Variants in ASB5 observed in about 807,000 individuals in gnomAD.
ASB5 encodes ankyrin repeat and SOCS box containing 5.
In ASB5, 45 loss-of-function variants were observed where a neutral mutation model predicts 42.1. That is an observed-to-expected ratio of 1.07 (90% confidence interval 0.84 to 1.37). The LOEUF (loss-of-function observed/expected upper bound fraction) is 1.37, where lower values mean the gene tolerates loss of function less well. Among genes scored for constraint, ASB5 ranks in the 40% most tolerant of loss-of-function variants. The probability of loss-of-function intolerance (pLI) is 0.00; values close to 1 mark genes in which losing one functional copy is unlikely to be tolerated. For synonymous variants in ASB5, 147 were observed against 150.6 expected (o/e 0.98, Z 0.18); for missense variants, 402 against 399.8 (o/e 1.01, Z -0.05).
At chr4:176,262,160 C>A (rs1379060156) in intron 1 of ASB5, among the ~76,000 whole-genome samples, 1 of 152,008 alleles carries the variant, frequency 6.6e-6, no homozygotes, top group Non-Finnish European at 1.5e-5. Context: ...AAAGTTAAGA[C>A]CTAGTTTTCA....
At chr4:176,221,031 T>A in intron 5 of ASB5, 124 bp downstream of exon 5, 1 of 1,249,600 alleles carries the variant, frequency 8.0e-7, no homozygotes, top group Non-Finnish European at 1.1e-6. Flanking sequence ...TATTCATGTG[T>A]GAAAATGCTT....
chr4:176,237,373 G>T, intron 1 of ASB5: 1 of 985,824 alleles, frequency 1.0e-6, no homozygotes, highest in Non-Finnish European at 1.2e-6. Flanking sequence ...TTTTCGTGAG[G>T]ACCTGCTTAA....
chr4:176,260,346 T>A (rs1046017911), intron 1 of ASB5, among the ~76,000 whole-genome samples: 1 of 152,212 alleles, frequency 6.6e-6, no homozygotes, highest in Middle Eastern at 3.2e-3. Flanking sequence ...GACAGATTTT[T>A]AAAATCCTTT....
upstream of ASB5, among the ~76,000 whole-genome samples, chr4:176,270,164 T>C (rs1460600627): frequency 1.3e-5 from 2 of 152,156 alleles, no homozygotes; most frequent in Non-Finnish European, 2.9e-5. Context: ...AAGCCAAAAA[T>C]GATATGCCAA....
chr4:176,263,344 A>G (rs1579335509), intron 1 of ASB5, among the ~76,000 whole-genome samples: 1 of 143,678 alleles, frequency 7.0e-6, no homozygotes, highest in Admixed American at 7.3e-5. Context: ...AGGAGAGGAA[A>G]AGCATTAATA....
intron 1 of ASB5, chr4:176,237,248 G>T: frequency 1.0e-6 from 1 of 981,718 alleles, no homozygotes. Context: ...GGCCAATGTG[G>T]TTTATTTCAG....
chr4:176,237,608 G>A, intron 1 of ASB5: 2 of 981,242 alleles, frequency 2.0e-6, no homozygotes, highest in Non-Finnish European at 2.4e-6. Flanking sequence ...ATCAGGGCTG[G>A]TAGGTGCAAT....
intron 1 of ASB5, among the ~76,000 whole-genome samples, chr4:176,251,606 G>A (rs1212240405): frequency 7.8e-6 from 1 of 127,398 alleles, no homozygotes; most frequent in African/African-American, 3.0e-5. Flanking sequence ...TTTGAAGATT[G>A]GCTCAGAAAG....
Position 176,217,026 on chromosome 4 carries a change from G to C in ASB5, c.671-17C>G. 6.4e-7 allele frequency: 1 copy of C among 1,556,532 alleles called. No homozygotes were observed. Among genetic ancestry groups the C allele is most frequent in the Non-Finnish European group, 8.7e-7 (1 of 1,151,524 alleles). On this transcript the variant is annotated splice_polypyrimidine_tract_variant and intron_variant, in intron 5 of 6. Transcript: ENST00000296525. Reference sequence around the variant, plus strand: ...CGTCAGCACCTACATGTAATACGGAGTGAAGATAAATATAAATAAAAGTTG... The same window carrying C: ...CGTCAGCACCTACATGTAATACGGACTGAAGATAAATATAAATAAAAGTTG...
chr4:176,251,564 T>TA (rs34392287), intron 1 of ASB5, among the ~76,000 whole-genome samples: 2,623 of 10,378 alleles, frequency 0.25, 987 homozygotes, highest in Non-Finnish European at 0.3. Flanking sequence ...TCTGTCTCAT[T>TA]AAAAAAAAAA....
rs769915869 is a variant in ASB5 at position 176,233,148 on chromosome 4, AT to A, written c.197-7808del. Among the ~76,000 whole-genome samples the A allele has an allele frequency of 2.7e-4, 41 of 152,340 alleles. 1 individual carries two copies. The Middle Eastern group carries it at 0.01, about 38-fold the overall frequency. ...ACATCACAAATACAACCCAAATTTC[AT>A]TTTAAACAATTACTTTCATATATCT... On this transcript the variant is annotated intron_variant, in intron 1 of 6. Transcript: ENST00000296525.
intron 1 of ASB5, among the ~76,000 whole-genome samples, chr4:176,260,659 T>G (rs531694354): frequency 8.5e-4 from 130 of 152,252 alleles, no homozygotes; most frequent in Non-Finnish European, 1.5e-3. Flanking sequence ...GTTTTGTTGT[T>G]GCTGTTGTTT....
exon 1 of ASB5, chr4:176,277,362 C>G (rs1226340893): frequency 3.3e-5 from 5 of 152,204 alleles, no homozygotes; most frequent in Non-Finnish European, 7.3e-5. Context: ...ATTACAGCAG[C>G]GAGCAGGCAG....
At position 176,252,629 on chromosome 4, in the gene ASB5, G is replaced by A. The variant is rs143723203; in HGVS notation, c.196+16284C>T. On this transcript the variant is annotated intron_variant, in intron 1 of 6. Coordinates refer to ENST00000296525, the MANE Select transcript of ASB5 (RefSeq NM_080874.4). ...CATGAAGATGGGGAAAAAGCCACAC[G>A]GAAAATATTAAGATAATCCATGTCT... is the stretch of plus-strand genomic sequence containing the variant. Among the ~76,000 whole-genome samples the A allele has an allele frequency of 4.4e-4, 67 of 152,280 alleles. 1 individual carries two copies. Among genetic ancestry groups the A allele is most frequent in the African/African-American group, 1.6e-3 (66 of 41,568 alleles).
At chr4:176,266,031 C>A (rs1430484059) in intron 1 of ASB5, among the ~76,000 whole-genome samples, 1 of 152,000 alleles carries the variant, frequency 6.6e-6, no homozygotes, top group Non-Finnish European at 1.5e-5. Flanking sequence ...TTTTTAGATA[C>A]CATTTAGCTT....
At chr4:176,260,232 C>A (rs1015196288) in intron 1 of ASB5, among the ~76,000 whole-genome samples, 2 of 152,140 alleles carry the variant, frequency 1.3e-5, no homozygotes, top group Non-Finnish European at 2.9e-5. Context: ...CCCATGGGGA[C>A]CTTGCCCCCT....
chr4:176,277,147 C>T (rs933243334), intron 1 of ASB5: 30 of 152,204 alleles, frequency 2.0e-4, no homozygotes, highest in African/African-American at 6.8e-4. Context: ...GGCAGCCCCG[C>T]AACTGGTGAG....
At chr4:176,234,412 T>G (rs922847) in intron 1 of ASB5, among the ~76,000 whole-genome samples, 4,108 of 152,264 alleles carry the variant, frequency 0.027, 197 homozygotes, top group African/African-American at 0.092. Flanking sequence ...TTCTCTGACT[T>G]TAGTGCTCTC....
chr4:176,244,926 G>A (rs1334092388), intron 1 of ASB5, among the ~76,000 whole-genome samples: 2 of 151,956 alleles, frequency 1.3e-5, no homozygotes, highest in Admixed American at 6.6e-5. Flanking sequence ...TTGCACCACT[G>A]TGCTCTCACC....
Sources: gnomAD v4.1 joint callset for allele counts (sites outside exome capture counted in the v4.1 genomes callset) on GRCh38, gnomAD v4.1.1 for gene constraint, MANE v1.5 for transcripts, NCBI Gene and HGNC (gene_info 2026-07-23, HGNC 2026-07-21) for gene names.